VIT: variants seen among roughly 807,000 people sequenced by gnomAD.
The protein encoded by VIT is vitrin.
In VIT, 99 loss-of-function variants were observed where a neutral mutation model predicts 78.0. That is an observed-to-expected ratio of 1.27 (90% CI 1.08 to 1.50). VIT has a LOEUF of 1.50. Ranked by LOEUF, VIT falls within the 40% of genes most tolerant of loss-of-function variation. VIT has a pLI of 0.00. For synonymous variants in VIT, 374 were observed against 334.3 expected (o/e 1.12, Z -1.29); for missense variants, 1,126 against 875.3 (o/e 1.29, Z -3.61).
intron 2 of VIT, among the ~76,000 whole-genome samples, chr2:36,724,263 G>A (rs532594955): frequency 6.6e-6 from 1 of 152,246 alleles, no homozygotes; most frequent in Admixed American, 6.5e-5. Flanking sequence ...GAGAAGCATT[G>A]CTGAGAAGCA....
At chr2:36,755,083 T>G (rs1668685380) in intron 5 of VIT, 29 bp downstream of exon 5, 1 of 1,602,448 alleles carries the variant, frequency 6.2e-7, no homozygotes, top group African/African-American at 1.3e-5. Flanking sequence ...GAAACGCTGC[T>G]AAACCTACCA....
intron 1 of VIT, among the ~76,000 whole-genome samples, chr2:36,703,936 GT>G (rs1367529115): frequency 2.8e-4 from 2 of 7,050 alleles, no homozygotes; most frequent in African/African-American, 4.8e-4. Flanking sequence ...TTTTGTTTTT[GT>G]TTTTTTTTTT....
At chr2:36,806,736 T>G (rs554559308) in intron 14 of VIT, among the ~76,000 whole-genome samples, 1 of 152,100 alleles carries the variant, frequency 6.6e-6, no homozygotes, top group African/African-American at 2.4e-5. Flanking sequence ...ATTTTATTTT[T>G]TTATTTTTAG....
chr2:36,793,542 T>C (rs1054084037), intron 12 of VIT, among the ~76,000 whole-genome samples: 2 of 152,180 alleles, frequency 1.3e-5, no homozygotes, highest in Non-Finnish European at 2.9e-5. Flanking sequence ...GGTAATACCC[T>C]CAAGGGACAA....
chr2:36,809,798 G>A (rs942253275), intron 15 of VIT, among the ~76,000 whole-genome samples: 4 of 152,278 alleles, frequency 2.6e-5, no homozygotes, highest in Admixed American at 1.3e-4. Flanking sequence ...GATTCGTGGG[G>A]CTTCAGGGAA....
chr2:36,734,906 A>G (rs10165788), intron 3 of VIT, among the ~76,000 whole-genome samples: 20,917 of 152,184 alleles, frequency 0.14, 1,760 homozygotes, highest in East Asian at 0.22. Context: ...GGGCACGCCT[A>G]TAATCCCAGC....
Position 36,787,255 on chromosome 2 carries a change from TG to T in VIT, c.1038del (p.Met347TrpfsTer25). 1 of 1,614,190 alleles carries T rather than the reference TG, an allele frequency of 6.2e-7. No individual in the cohort carries two copies. Among genetic ancestry groups the T allele is most frequent in the Non-Finnish European group, 8.5e-7 (1 of 1,180,014 alleles). On this transcript the variant is annotated frameshift_variant, in exon 12 of 16. Transcript: ENST00000379242. LOFTEE classifies it high-confidence loss of function. ...QALDIGPAGP[L>X]MGVVQYGDNP... ...CTTGACATTGGCCCTGCCGGTCCAC[TG>T]ATGGGTGTTGTCCAGTATGGGTAAG... is the stretch of plus-strand genomic sequence containing the variant.
At chr2:36,750,943 C>T (rs914539038) in intron 4 of VIT, among the ~76,000 whole-genome samples, 2 of 152,112 alleles carry the variant, frequency 1.3e-5, no homozygotes, top group East Asian at 3.9e-4. Flanking sequence ...TATAAGAAAC[C>T]GAGGTATCAA....
chr2:36,730,066 C>A, intron 3 of VIT, among the ~76,000 whole-genome samples: 1 of 152,218 alleles, frequency 6.6e-6, no homozygotes, highest in South Asian at 2.1e-4. Flanking sequence ...GAGGCTGAGG[C>A]GGGCGGATCA....
intron 4 of VIT, among the ~76,000 whole-genome samples, chr2:36,751,353 G>A (rs894995954): frequency 5.3e-5 from 8 of 151,906 alleles, no homozygotes; most frequent in African/African-American, 9.7e-5. Context: ...CTGAGATCTC[G>A]CCACTGCACT....
intron 6 of VIT, among the ~76,000 whole-genome samples, chr2:36,766,376 T>A (rs926750061): frequency 4.6e-5 from 7 of 151,842 alleles, no homozygotes; most frequent in South Asian, 2.1e-4. Context: ...AAAAAAAAAA[T>A]TTTAAATTAG....
rs528694036 is a variant in VIT at position 36,808,401 on chromosome 2, G to T, written c.1390-71G>T. The T allele has an allele frequency of 1.3e-4, 204 of 1,518,254 alleles. 1 individual carries two copies. In the South Asian group the frequency reaches 2.5e-3, roughly 19 times the overall value. 94.0% of individuals were successfully genotyped at this position (1,518,254 alleles called of 1,614,324 possible). ...GCTTGCTTCTTCACCTGCCCCGGGGGATCAAGCCTAATGGTGACACTGGAG... is the reference window on the plus strand; with the variant it reads ...GCTTGCTTCTTCACCTGCCCCGGGGTATCAAGCCTAATGGTGACACTGGAG... On this transcript the variant is annotated intron_variant, in intron 14 of 15. Transcript: ENST00000379242.
At chr2:36,808,341 C>G in intron 14 of VIT, 131 bp from the exon 15 acceptor site, 2 of 1,280,902 alleles carry the variant, frequency 1.6e-6, no homozygotes, top group Non-Finnish European at 2.1e-6. Context: ...GATGGAAGAA[C>G]ACGGTAGGAG....
chr2:36,779,058 A>G (rs1201232032), intron 9 of VIT, among the ~76,000 whole-genome samples: 1 of 152,252 alleles, frequency 6.6e-6, no homozygotes, highest in Non-Finnish European at 1.5e-5. Flanking sequence ...ATCACACCAC[A>G]GTCTTAGGAG....
At chr2:36,726,671 T>G (rs1666866283) in intron 2 of VIT, among the ~76,000 whole-genome samples, 1 of 151,678 alleles carries the variant, frequency 6.6e-6, no homozygotes, top group Non-Finnish European at 1.5e-5. Flanking sequence ...ATACAAAAAT[T>G]AGCCAGGTGT....
At chr2:36,775,265 G>GA (rs1335368762) in intron 9 of VIT, among the ~76,000 whole-genome samples, 198 bp downstream of exon 9, 2 of 152,316 alleles carry the variant, frequency 1.3e-5, no homozygotes, top group South Asian at 4.1e-4. Context: ...GCATCAAAGA[G>GA]AAAATCTTTG....
chr2:36,797,172 T>C (rs543666727), intron 12 of VIT, among the ~76,000 whole-genome samples: 2 of 152,078 alleles, frequency 1.3e-5, no homozygotes, highest in East Asian at 3.9e-4. Flanking sequence ...CTTTAAGGAC[T>C]CTGAAGCTTA....
chr2:36,702,977 C>T (rs1015163571), intron 1 of VIT, among the ~76,000 whole-genome samples: 1 of 152,148 alleles, frequency 6.6e-6, no homozygotes, highest in Non-Finnish European at 1.5e-5. Context: ...TGACTCAGAC[C>T]AGAGCTAAAA....
At chr2:36,786,477 G>C (rs1022518139) in intron 11 of VIT, among the ~76,000 whole-genome samples, 2 of 152,004 alleles carry the variant, frequency 1.3e-5, no homozygotes, top group African/African-American at 2.4e-5. Context: ...TATCCACAGA[G>C]ATCCAGAGAT....
Sources: allele counts gnomAD v4.1 joint callset (sites outside exome capture counted in the v4.1 genomes callset), GRCh38; gene constraint gnomAD v4.1.1; transcripts MANE v1.5; gene names NCBI Gene and HGNC (gene_info 2026-07-23, HGNC 2026-07-21).